SF3B1: variants seen among roughly 807,000 people sequenced by gnomAD.
The protein encoded by SF3B1 is splicing factor 3b subunit 1.
A neutral mutation model predicts 153.8 loss-of-function variants in SF3B1; 12 were observed. That is an observed-to-expected ratio of 0.08 (90% confidence interval 0.05 to 0.13). The LOEUF is 0.13. SF3B1 is among the 10% of genes least tolerant of loss of function. The pLI is 1.00. For missense variants in SF3B1, 513 were observed against 1,606.1 expected (o/e 0.32, Z 11.63); for synonymous variants, 498 against 525.2 (o/e 0.95, Z 0.71).
chr2:197,431,104 CTTTTTTTTT>C (rs558644461), intron 1 of SF3B1, among the ~76,000 whole-genome samples: 2 of 73,656 alleles, frequency 2.7e-5, no homozygotes, highest in African/African-American at 5.8e-5. Flanking sequence ...GCCTTTTCTT[CTTTTTTTTT>C]TTTTTTTTTT....
chr2:197,410,384 T>C (rs2085050576), intron 6 of SF3B1, among the ~76,000 whole-genome samples: 2 of 152,196 alleles, frequency 1.3e-5, no homozygotes, highest in Non-Finnish European at 2.9e-5. Flanking sequence ...AAGTGGGGCT[T>C]AGAGACACAT....
rs1016768391 is a variant in SF3B1, at chr2:197,422,572, A to G, written c.195+1236T>C. Among the ~76,000 whole-genome samples, 82 of 151,994 alleles carry G rather than the reference A, an allele frequency of 5.4e-4. 3 individuals carry two copies. The highest frequency in any genetic ancestry group is 1.0e-4 in the Non-Finnish European group (7 of 67,986). On this transcript the variant is annotated intron_variant, in intron 2 of 24. Transcript: ENST00000335508. Reference sequence around the variant, plus strand: ...ATAATAATAATAAAAAAAGAAATATACATCACCTATCCAAAAATTAAAAAA... The same window carrying G: ...ATAATAATAATAAAAAAAGAAATATGCATCACCTATCCAAAAATTAAAAAA...
intron 4 of SF3B1, chr2:197,419,487 T>C (rs2085207146): frequency 3.2e-5 from 7 of 218,912 alleles, no homozygotes; most frequent in Non-Finnish European, 5.5e-5. Context: ...TCTAAGACAT[T>C]TCCTATGCTG....
At chr2:197,418,287 C>T (rs1012563455) in intron 5 of SF3B1, among the ~76,000 whole-genome samples, 1 of 91,294 alleles carries the variant, frequency 1.1e-5, no homozygotes, top group Non-Finnish European at 2.3e-5. Flanking sequence ...CACATACATA[C>T]AAACATATAC....
At chr2:197,428,949 C>T (rs1182576841) in intron 1 of SF3B1, among the ~76,000 whole-genome samples, 1 of 151,196 alleles carries the variant, frequency 6.6e-6, no homozygotes. Context: ...CCAGCCCGGA[C>T]GACACAGTGA....
Position 197,401,330 on chromosome 2 carries a change from A to G in SF3B1, c.2496+70T>C, listed in dbSNP as rs997072624. On this transcript the variant is annotated intron_variant, in intron 17 of 24. Coordinates refer to ENST00000335508, the MANE Select transcript of SF3B1 (RefSeq NM_012433.4). This position sits in a 1 kb window ranked among gnomAD's most constrained non-coding sequence, Gnocchi z 4.2. ...ATCAAGGCAAAAAATAATATACAAC[A>G]TGCATTCAAGTTGACTAAAGAATGA... 3 of 1,335,822 alleles carry G rather than the reference A, an allele frequency of 2.2e-6. No homozygotes were observed. The highest frequency in any genetic ancestry group is 1.3e-5 in the South Asian group (1 of 75,748). The allele number at this position is 1,335,822 out of a possible 1,614,324, so 82.7% of individuals were successfully genotyped here.
At chr2:197,434,737 C>G (rs1038526982) in intron 1 of SF3B1, among the ~76,000 whole-genome samples, 5 of 152,228 alleles carry the variant, frequency 3.3e-5, no homozygotes, top group African/African-American at 1.2e-4. Flanking sequence ...AGAGAAGCTA[C>G]TCTGAAGTAG....
In SF3B1 at chr2:197,400,811, T is replaced by C. The variant is rs758330134; in HGVS notation, c.2622A>G (p.Lys874=). The change falls in exon 18 of 25, where the codon AAA becomes AAG. Residue 874 remains lysine (K), a synonymous_variant. Coordinates refer to ENST00000335508, the MANE Select transcript of SF3B1 (RefSeq NM_012433.4). This position sits in a 1 kb window ranked among gnomAD's most constrained non-coding sequence, Gnocchi z 5.0. ...CTGCTGCTCCCAAATTACCCATAAT[T>C]TTCTCAATTGTCTCCATCACCATTT... is the stretch of plus-strand genomic sequence containing the variant. ...YRKMVMETIE[K]IMGNLGAADI... is the part of the protein sequence containing the mutation. 1 of 1,613,160 alleles carries C rather than the reference T, an allele frequency of 6.2e-7. No homozygotes were observed. Among genetic ancestry groups the C allele is most frequent in the South Asian group, 1.1e-5 (1 of 91,066 alleles).
intron 23 of SF3B1, 84 bp from the exon 24 acceptor site, chr2:197,393,272 A>G: frequency 1.2e-6 from 1 of 866,454 alleles, no homozygotes; most frequent in Non-Finnish European, 1.9e-6. Flanking sequence ...TCTTAGTTTT[A>G]CAGGAAATAT....
At chr2:197,423,649 A>C (rs1018055494) in intron 2 of SF3B1, among the ~76,000 whole-genome samples, 159 bp downstream of exon 2, 1 of 152,210 alleles carries the variant, frequency 6.6e-6, no homozygotes, top group African/African-American at 2.4e-5. Context: ...TTTCCAGTGA[A>C]GTTTCTGAAC....
intron 1 of SF3B1, among the ~76,000 whole-genome samples, chr2:197,431,517 A>G (rs554313332): frequency 5.9e-5 from 9 of 152,222 alleles, no homozygotes; most frequent in African/African-American, 1.9e-4. Context: ...AATTATTTTC[A>G]GTGTTCTAAT....
At chr2:197,417,777 G>A (rs565846499) in intron 5 of SF3B1, among the ~76,000 whole-genome samples, 16 of 151,754 alleles carry the variant, frequency 1.1e-4, no homozygotes, top group Non-Finnish European at 1.8e-4. Flanking sequence ...ACAAAAAGTA[G>A]GCAGTTATTA....
intron 1 of SF3B1, among the ~76,000 whole-genome samples, chr2:197,434,614 G>T (rs1397505268): frequency 6.6e-6 from 1 of 152,178 alleles, no homozygotes; most frequent in East Asian, 1.9e-4. Context: ...ACAAACTATG[G>T]GGACGACAGT....
At chr2:197,431,607 G>A (rs1207277366) in intron 1 of SF3B1, among the ~76,000 whole-genome samples, 1 of 152,128 alleles carries the variant, frequency 6.6e-6, no homozygotes, top group African/African-American at 2.4e-5. Context: ...GTCCCTAAGT[G>A]ATATCTACTC....
intron 4 of SF3B1, chr2:197,420,104 A>C (rs570397744): frequency 3.5e-6 from 1 of 288,000 alleles, no homozygotes. Flanking sequence ...CAATAATTTG[A>C]AAGTATTTTG....
intron 22 of SF3B1, among the ~76,000 whole-genome samples, chr2:197,397,615 G>A (rs2084891293): frequency 6.6e-6 from 1 of 152,118 alleles, no homozygotes; most frequent in African/African-American, 2.4e-5. Flanking sequence ...GGCCCACATG[G>A]TGAAACCTCA....
chr2:197,420,721 T>C (rs563960317), intron 3 of SF3B1, among the ~76,000 whole-genome samples, 179 bp from the exon 4 acceptor site: 1 of 152,148 alleles, frequency 6.6e-6, no homozygotes, highest in Non-Finnish European at 1.5e-5. Context: ...AACAAGGTAA[T>C]ATACATATCC....
Position 197,391,370 on chromosome 2 carries a change from G to A in SF3B1, c.*933C>T, listed in dbSNP as rs1209829714. 1 of 152,238 alleles carries A rather than the reference G, an allele frequency of 6.6e-6. No individual in the cohort carries two copies. Among genetic ancestry groups the A allele is most frequent in the Non-Finnish European group, 1.5e-5 (1 of 68,054 alleles). The allele number at this position is 152,238 out of a possible 1,614,324, so 9.4% of individuals were successfully genotyped here. The stretch of plus-strand genomic sequence containing the variant: ...CTCCATTATACTGTTCTTAAAGGTA[G>A]AGGGCAGGTCTCATGCACCTTTGCA... On this transcript the variant is annotated 3_prime_UTR_variant, in exon 25 of 25. Transcript: ENST00000335508.
rs373900908 is a variant in SF3B1 at position 197,408,794 on chromosome 2, G to A, written c.905-213C>T. 2.9e-3 allele frequency: 1,560 copies of A among 532,128 alleles called. 47 individuals are homozygous for A. The highest frequency in any genetic ancestry group is 0.028 in the South Asian group (1,336 of 46,896). The allele number at this position is 532,128 out of a possible 1,614,324, so 33.0% of individuals were successfully genotyped here. A position where few individuals can be genotyped will look rare whatever the true frequency, so the allele number is the denominator to read the frequency against. On this transcript the variant is annotated intron_variant, in intron 7 of 24. Coordinates refer to ENST00000335508, the MANE Select transcript of SF3B1 (RefSeq NM_012433.4). ...AAAAAGTAGCCAGGTGTGGTGGTGG[G>A]CGCTTGTAATCCCAGCTACTCAGGA...
Sources: gnomAD v4.1 joint callset for allele counts (sites outside exome capture counted in the v4.1 genomes callset) on GRCh38, gnomAD v4.1.1 for gene constraint, Gnocchi (gnomAD v3.1) non-coding constraint, MANE v1.5 for transcripts, NCBI Gene and HGNC (gene_info 2026-07-23, HGNC 2026-07-21) for gene names.